CCSER1: variants seen among roughly 807,000 people sequenced by gnomAD.
CCSER1 encodes the protein serine-rich coiled-coil domain-containing protein 1.
In CCSER1, 41 loss-of-function variants were observed where a neutral mutation model predicts 82.0. The observed-to-expected ratio is 0.50, with a 90% CI of 0.39 to 0.65. CCSER1 has a LOEUF of 0.65. Among genes scored for constraint, CCSER1 ranks in the 30% least tolerant of loss-of-function variants. CCSER1 has a pLI of 0.00. For synonymous variants in CCSER1, 414 were observed against 383.9 expected (o/e 1.08, Z -0.92); for missense variants, 1,119 against 1,064.2 (o/e 1.05, Z -0.72).
chr4:91,505,071 A>G (rs1363293676), intron 10 of CCSER1, among the ~76,000 whole-genome samples: 1 of 152,090 alleles, frequency 6.6e-6, no homozygotes, highest in Non-Finnish European at 1.5e-5. Context: ...TGCATTAGCT[A>G]TTTATCCTGA....
intron 10 of CCSER1, among the ~76,000 whole-genome samples, chr4:91,110,017 C>T (rs953824625): frequency 6.6e-6 from 1 of 152,142 alleles, no homozygotes; most frequent in African/African-American, 2.4e-5. Context: ...GCTTCTTATA[C>T]AAGTTCTGCC....
rs547755620 is a variant in CCSER1 at position 90,460,122 on chromosome 4, C to G, written c.1604-8112C>G. Among the ~76,000 whole-genome samples the G allele has an allele frequency of 4.8e-5, 7 of 145,836 alleles. No homozygotes were observed. In the South Asian group the frequency reaches 6.3e-4, roughly 13 times the overall value. ...CGGGCGGATCACGAGGTCAGGAGAT[C>G]GAGACCATCCTGGCTAACACGGTGA... On this transcript the variant is annotated intron_variant, in intron 4 of 10. Coordinates refer to ENST00000509176, the MANE Select transcript of CCSER1 (RefSeq NM_001145065.2).
chr4:90,443,927 A>T (rs576255314), intron 4 of CCSER1, among the ~76,000 whole-genome samples: 16 of 152,090 alleles, frequency 1.1e-4, no homozygotes, highest in Non-Finnish European at 1.9e-4. Flanking sequence ...ATATAAATAT[A>T]ATCTTTGGGA....
intron 8 of CCSER1, among the ~76,000 whole-genome samples, chr4:90,917,163 G>C (rs1727592639): frequency 6.6e-6 from 1 of 152,148 alleles, no homozygotes; most frequent in Non-Finnish European, 1.5e-5. Flanking sequence ...TCCCATTACT[G>C]GGTATATACC....
At position 91,596,477 on chromosome 4, in the gene CCSER1, T is replaced by C. The variant is rs576695092; in HGVS notation, c.2218-2095T>C. Among the ~76,000 whole-genome samples the C allele has an allele frequency of 2.6e-5, 4 of 152,172 alleles. No homozygotes were observed. The East Asian group carries it at 7.7e-4, about 29-fold the overall frequency. The stretch of plus-strand genomic sequence containing the variant: ...TATGTCTAACATTTGGCCACAGATA[T>C]TGAGCACAAGGTTGATTTGGGGGTT... On this transcript the variant is annotated intron_variant, in intron 10 of 10. Transcript: ENST00000509176.
At chr4:90,760,774 CACTT>C (rs1170870783) in intron 7 of CCSER1, among the ~76,000 whole-genome samples, 2 of 152,158 alleles carry the variant, frequency 1.3e-5, no homozygotes, top group African/African-American at 4.8e-5. Context: ...TGTAATCTCT[CACTT>C]ATGAGTTAGT....
At chr4:90,531,977 T>C (rs1015856958) in intron 5 of CCSER1, among the ~76,000 whole-genome samples, 2 of 152,140 alleles carry the variant, frequency 1.3e-5, no homozygotes, top group Non-Finnish European at 2.9e-5. Context: ...AACATAAAGC[T>C]AAATTCTTAG....
At chr4:90,517,933 G>T (rs542926488) in intron 5 of CCSER1, among the ~76,000 whole-genome samples, 7 of 152,066 alleles carry the variant, frequency 4.6e-5, no homozygotes, top group Non-Finnish European at 7.4e-5. Context: ...ACACCAGGTT[G>T]TCTGTTACAA....
intron 7 of CCSER1, among the ~76,000 whole-genome samples, chr4:90,754,622 G>T (rs62312992): frequency 0.057 from 8,644 of 152,170 alleles, 350 homozygotes; most frequent in Admixed American, 0.11. Context: ...ACCCATTACA[G>T]TGAGGTTACA....
chr4:90,130,956 C>T (rs1722722084), intron 1 of CCSER1, among the ~76,000 whole-genome samples: 2 of 151,950 alleles, frequency 1.3e-5, no homozygotes, highest in African/African-American at 2.4e-5. Flanking sequence ...AATATTTACA[C>T]ATTTAAGAAG....
At chr4:90,909,092 T>G (rs1725938259) in intron 8 of CCSER1, among the ~76,000 whole-genome samples, 5 of 152,066 alleles carry the variant, frequency 3.3e-5, no homozygotes. Flanking sequence ...CTGGCAATTT[T>G]TGAAGTTGCT....
chr4:91,348,770 A>C (rs2149296611), intron 10 of CCSER1, among the ~76,000 whole-genome samples: 1 of 152,228 alleles, frequency 6.6e-6, no homozygotes, highest in East Asian at 1.9e-4. Context: ...TAATCCTTTT[A>C]ACATCCAGTG....
At chr4:90,795,114 C>A (rs1045951776) in intron 7 of CCSER1, among the ~76,000 whole-genome samples, 1 of 151,888 alleles carries the variant, frequency 6.6e-6, no homozygotes, top group East Asian at 1.9e-4. Context: ...CATGGTGAAA[C>A]CCCATCTCTA....
At chr4:90,697,463 A>G (rs1304225389) in intron 6 of CCSER1, among the ~76,000 whole-genome samples, 1 of 152,212 alleles carries the variant, frequency 6.6e-6, no homozygotes, top group Non-Finnish European at 1.5e-5. Flanking sequence ...AAGCAATCTA[A>G]CAGACAAAAA....
intron 10 of CCSER1, among the ~76,000 whole-genome samples, chr4:91,433,407 C>T (rs548080449): frequency 5.3e-5 from 8 of 152,298 alleles, no homozygotes; most frequent in African/African-American, 1.7e-4. Flanking sequence ...ACAGTAATTT[C>T]CTAGGCCTTC....
At chr4:90,624,235 G>A (rs1289691045) in intron 5 of CCSER1, among the ~76,000 whole-genome samples, 4 of 152,094 alleles carry the variant, frequency 2.6e-5, no homozygotes, top group African/African-American at 9.7e-5. Flanking sequence ...AATAAGGAAA[G>A]GTTCCTATGA....
chr4:90,238,346 A>G (rs1404828483), intron 1 of CCSER1, among the ~76,000 whole-genome samples: 1 of 152,186 alleles, frequency 6.6e-6, no homozygotes, highest in Admixed American at 6.5e-5. Flanking sequence ...GGGTCCTCAC[A>G]TGATTCCTTT....
intron 10 of CCSER1, among the ~76,000 whole-genome samples, chr4:91,297,383 G>A (rs865879448): frequency 3.0e-4 from 28 of 93,722 alleles, no homozygotes; most frequent in Admixed American, 1.9e-3. Flanking sequence ...GTGTGTGTGT[G>A]TATGTGTGTG....
chr4:91,181,910 C>T (rs1319126799), intron 10 of CCSER1, among the ~76,000 whole-genome samples: 2 of 152,162 alleles, frequency 1.3e-5, no homozygotes, highest in African/African-American at 4.8e-5. Context: ...GCATTATTGC[C>T]AGCCAAGATT....
Sources: gnomAD v4.1 joint callset for allele counts (sites outside exome capture counted in the v4.1 genomes callset) on GRCh38, gnomAD v4.1.1 for gene constraint, MANE v1.5 for transcripts, NCBI Gene and HGNC (gene_info 2026-07-23, HGNC 2026-07-21) for gene names.